ULK4: variants seen among roughly 807,000 people sequenced by gnomAD.
ULK4 encodes the protein unc-51 like kinase 4.
A neutral mutation model predicts 160.6 loss-of-function variants in ULK4; 133 were observed. The observed-to-expected ratio is 0.83, with a 90% CI of 0.72 to 0.96. ULK4 has a LOEUF of 0.96. Ranked by LOEUF, ULK4 falls within the 40% of genes least tolerant of loss-of-function variation. The probability of loss-of-function intolerance (pLI) is 0.00; values close to 1 mark genes in which losing one functional copy is unlikely to be tolerated. For synonymous variants in ULK4, 534 were observed against 539.8 expected (o/e 0.99, Z 0.15); for missense variants, 1,580 against 1,499.5 (o/e 1.05, Z -0.89).
chr3:41,395,117 G>A (rs2082029401), intron 35 of ULK4, among the ~76,000 whole-genome samples: 1 of 148,264 alleles, frequency 6.7e-6, no homozygotes, highest in Non-Finnish European at 1.5e-5. Flanking sequence ...GTTTCTTGGA[G>A]AAATGCCTGA....
intron 10 of ULK4, 69 bp from the exon 11 acceptor site, chr3:41,911,455 A>T: frequency 6.3e-7 from 1 of 1,589,056 alleles, no homozygotes; most frequent in South Asian, 1.1e-5. Context: ...TAACGTACAC[A>T]AAGATTTAAA....
At chr3:41,257,668 T>C (rs913022210) in intron 35 of ULK4, among the ~76,000 whole-genome samples, 2 of 151,674 alleles carry the variant, frequency 1.3e-5, no homozygotes, top group African/African-American at 4.8e-5. Context: ...AGTCCTACCA[T>C]ATGGCCAAAC....
At chr3:41,874,466 T>C (rs927511874) in intron 17 of ULK4, among the ~76,000 whole-genome samples, 5 of 152,230 alleles carry the variant, frequency 3.3e-5, no homozygotes, top group African/African-American at 1.2e-4. Context: ...AAGTCAATAA[T>C]TCTTACAATA....
At chr3:41,386,382 G>C (rs1026727407) in intron 35 of ULK4, among the ~76,000 whole-genome samples, 35 of 151,978 alleles carry the variant, frequency 2.3e-4, no homozygotes, top group African/African-American at 8.2e-4. Context: ...ATATTAAATG[G>C]GTTTTTCTCT....
At chr3:41,853,278 G>A (rs777532300) in intron 17 of ULK4, among the ~76,000 whole-genome samples, 3 of 152,154 alleles carry the variant, frequency 2.0e-5, no homozygotes, top group African/African-American at 4.8e-5. Context: ...CACACTTTGA[G>A]AACTGCTACT....
rs910348043 is a variant in ULK4, at chr3:41,822,249, T to G, written c.1765-2743A>C. ...CTTCCTCACTTCTCTCCTGTCCCAC[T>G]GGCCTTGGTGCAGTTCATGCATGAA... is the stretch of plus-strand genomic sequence containing the variant. On this transcript the variant is annotated intron_variant, in intron 18 of 36. Transcript: ENST00000301831. Among the ~76,000 whole-genome samples, 4 of 152,158 alleles carry G rather than the reference T, an allele frequency of 2.6e-5. No homozygotes were observed. In the East Asian group the frequency reaches 7.7e-4, roughly 29 times the overall value.
At chr3:41,870,926 T>TG (rs1326128636) in intron 17 of ULK4, among the ~76,000 whole-genome samples, 2 of 152,158 alleles carry the variant, frequency 1.3e-5, no homozygotes, top group African/African-American at 4.8e-5. Context: ...AACTGAATCA[T>TG]GGGGGTGGTT....
At chr3:41,904,298 G>A (rs114097499) in intron 12 of ULK4, among the ~76,000 whole-genome samples, 3,138 of 152,096 alleles carry the variant, frequency 0.021, 32 homozygotes, top group Non-Finnish European at 0.031. Context: ...GCATGGTGGC[G>A]CATACTTGTA....
intron 32 of ULK4, among the ~76,000 whole-genome samples, chr3:41,534,167 G>C (rs964585654): frequency 6.6e-6 from 1 of 152,162 alleles, no homozygotes; most frequent in East Asian, 1.9e-4. Context: ...TCTGGTCCTT[G>C]AGTAAATACC....
chr3:41,613,516 GAA>G (rs5848607), intron 31 of ULK4, among the ~76,000 whole-genome samples: 1,896 of 145,148 alleles, frequency 0.013, 50 homozygotes, highest in African/African-American at 0.043. Context: ...GTTAAAATCT[GAA>G]AAAAAAAAAA....
At chr3:41,754,097 A>G (rs542413646) in intron 22 of ULK4, among the ~76,000 whole-genome samples, 4 of 152,300 alleles carry the variant, frequency 2.6e-5, no homozygotes, top group African/African-American at 9.6e-5. Flanking sequence ...TACAGGGATT[A>G]TAATTCAAGG....
intron 32 of ULK4, among the ~76,000 whole-genome samples, chr3:41,526,712 T>C (rs369538914): frequency 6.6e-6 from 1 of 152,216 alleles, no homozygotes. Flanking sequence ...TATACTTTGT[T>C]TGAAATCTAC....
intron 30 of ULK4, among the ~76,000 whole-genome samples, chr3:41,649,493 C>T (rs1221997293): frequency 6.6e-6 from 1 of 152,192 alleles, no homozygotes; most frequent in Admixed American, 6.5e-5. Flanking sequence ...CTCAGAAGTG[C>T]CTGCTCCTGC....
At chr3:41,762,072 A>G (rs1486146248) in intron 21 of ULK4, among the ~76,000 whole-genome samples, 3 of 152,222 alleles carry the variant, frequency 2.0e-5, no homozygotes, top group African/African-American at 7.2e-5. Flanking sequence ...AAACAGAATG[A>G]GACCCTGTCT....
intron 18 of ULK4, among the ~76,000 whole-genome samples, chr3:41,835,518 T>C (rs1342099444): frequency 1.3e-5 from 2 of 152,192 alleles, no homozygotes; most frequent in Non-Finnish European, 2.9e-5. Flanking sequence ...GAGCTTTCCA[T>C]GGAAAGAACC....
intron 18 of ULK4, among the ~76,000 whole-genome samples, chr3:41,827,705 A>T (rs1366224589): frequency 1.3e-5 from 2 of 152,232 alleles, no homozygotes; most frequent in South Asian, 4.1e-4. Flanking sequence ...TTCACAGCCA[A>T]AATCTACCAG....
At chr3:41,684,798 C>T (rs1377558456) in intron 27 of ULK4, among the ~76,000 whole-genome samples, 1 of 152,164 alleles carries the variant, frequency 6.6e-6, no homozygotes, top group East Asian at 1.9e-4. Flanking sequence ...GATTGAGTAG[C>T]TATTGAAACT....
rs371441348 is a variant in ULK4, at chr3:41,603,616, AAAGAT to A, written c.3120+12048_3120+12052del. 1.2e-3 allele frequency among the ~76,000 whole-genome samples: 186 copies of A among 152,196 alleles called. 1 individual carries two copies. Among genetic ancestry groups the A allele is most frequent in the African/African-American group, 4.4e-3 (181 of 41,546 alleles). ...TTTTTTTCAGGCATCCATAGAACAT[AAAGAT>A]AAAACAAATCATACAAATTGAGATA... On this transcript the variant is annotated intron_variant, in intron 31 of 36. Coordinates refer to ENST00000301831, the MANE Select transcript of ULK4 (RefSeq NM_017886.4).
chr3:41,497,040 C>CAAAA (rs56325419), intron 32 of ULK4, among the ~76,000 whole-genome samples: 1 of 142,660 alleles, frequency 7.0e-6, no homozygotes, highest in Non-Finnish European at 1.5e-5. Flanking sequence ...AACCCATAAC[C>CAAAA]AAAAAAAAAA....
Sources: gnomAD v4.1 joint callset for allele counts (sites outside exome capture counted in the v4.1 genomes callset) on GRCh38, gnomAD v4.1.1 for gene constraint, MANE v1.5 for transcripts, NCBI Gene and HGNC (gene_info 2026-07-23, HGNC 2026-07-21) for gene names.